Variants in NT5DC3 observed in about 807,000 individuals in gnomAD.
NT5DC3 encodes the protein 5'-nucleotidase domain containing 3, also known as 5'-nucleotidase domain-containing protein 3.
Under a neutral mutation model 67.8 loss-of-function variants are expected in NT5DC3, and 42 were observed. The ratio of observed to expected loss-of-function variants is 0.62; its 90% confidence interval spans 0.48 to 0.80. NT5DC3 has a LOEUF of 0.80. NT5DC3 is among the 30% of genes least tolerant of loss of function. The pLI is 0.00. For synonymous variants in NT5DC3, 237 were observed against 255.6 expected, an observed-to-expected ratio of 0.93 and a Z score of 0.69; for missense variants, 570 against 696.4, an observed-to-expected ratio of 0.82 and a Z score of 2.04.
the NT5DC3 span, among the ~76,000 whole-genome samples, chr12:103,762,642 G>A: frequency 6.6e-6 from 1 of 152,200 alleles, no homozygotes; most frequent in South Asian, 2.1e-4. Flanking sequence ...GCTTGGCAAG[G>A]AGAGAACCCA....
the NT5DC3 span, chr12:103,763,379 T>C: frequency 6.3e-6 from 5 of 793,018 alleles, no homozygotes; most frequent in Non-Finnish European, 8.4e-6. Flanking sequence ...AAAGTACTGT[T>C]AAAAAAGGAA....
chr12:103,759,396 G>A, the NT5DC3 span: 1 of 1,390,946 alleles, frequency 7.2e-7, no homozygotes, highest in South Asian at 1.5e-5. Flanking sequence ...CTGCAGATAG[G>A]GGACGGTGTT....
intron 12 of NT5DC3, among the ~76,000 whole-genome samples, chr12:103,781,226 G>A (rs1885537243): frequency 6.6e-6 from 1 of 152,224 alleles, no homozygotes; most frequent in Non-Finnish European, 1.5e-5. Context: ...ATGACCACAG[G>A]GGTAACCTTA....
intron 12 of NT5DC3, 65 bp from the exon 13 acceptor site, chr12:103,780,429 AT>A: frequency 6.9e-7 from 1 of 1,457,320 alleles, no homozygotes; most frequent in Non-Finnish European, 9.6e-7. Flanking sequence ...CGTAATGAGA[AT>A]TTTTTAATGA....
At chr12:103,839,273 G>A (rs913997808) in intron 1 of NT5DC3, among the ~76,000 whole-genome samples, 2 of 152,136 alleles carry the variant, frequency 1.3e-5, no homozygotes, top group African/African-American at 4.8e-5. Flanking sequence ...TTTACACAGG[G>A]TCTGGCTCTG....
At chr12:103,753,935 T>A in the NT5DC3 span, among the ~76,000 whole-genome samples, 1 of 152,188 alleles carries the variant, frequency 6.6e-6, no homozygotes, top group Non-Finnish European at 1.5e-5. Flanking sequence ...CTTTCAGATA[T>A]GGCAGGAAGG....
At chr12:103,786,646 G>C (rs1279874825) in intron 11 of NT5DC3, among the ~76,000 whole-genome samples, 1 of 151,314 alleles carries the variant, frequency 6.6e-6, no homozygotes, top group East Asian at 1.9e-4. Context: ...AAGAGTCTAA[G>C]AGGGCTTAGG....
chr12:103,748,373 A>G, the NT5DC3 span, among the ~76,000 whole-genome samples: 1 of 152,012 alleles, frequency 6.6e-6, no homozygotes, highest in Non-Finnish European at 1.5e-5. Context: ...TATTTGGGGG[A>G]TCATAAAAAC....
chr12:103,806,788 AG>A, intron 3 of NT5DC3, 66 bp downstream of exon 3: 1 of 1,028,416 alleles, frequency 9.7e-7, no homozygotes. Flanking sequence ...AGTAAAGAAA[AG>A]TACCAACAGT....
the NT5DC3 span, chr12:103,762,431 T>A: frequency 2.3e-5 from 37 of 1,614,120 alleles, no homozygotes; most frequent in African/African-American, 3.6e-4. Flanking sequence ...AACATGATGA[T>A]GGGGTCCTCT....
Position 103,829,281 on chromosome 12 carries a change from CA to C in NT5DC3, c.208+11667del, listed in dbSNP as rs1887828777. On this transcript the variant is annotated intron_variant, in intron 1 of 13. Coordinates refer to ENST00000392876, the MANE Select transcript of NT5DC3 (RefSeq NM_001031701.3). Reference sequence around the variant, plus strand: ...ACTGCTCAGCTCTGACATCCTAGCACAAAAGGAGAACCAGAAACAAATGGGT... The same window carrying C: ...ACTGCTCAGCTCTGACATCCTAGCACAAAGGAGAACCAGAAACAAATGGGT... Among the ~76,000 whole-genome samples, 3 of 152,106 alleles carry C rather than the reference CA, an allele frequency of 2.0e-5. No homozygotes were observed. The South Asian group carries it at 6.2e-4, about 32-fold the overall frequency.
intron 9 of NT5DC3, among the ~76,000 whole-genome samples, chr12:103,789,969 A>C (rs985945846): frequency 1.3e-5 from 2 of 152,390 alleles, no homozygotes; most frequent in Middle Eastern, 3.4e-3. Context: ...TCATGACTAT[A>C]AAATGAGGAT....
intron 9 of NT5DC3, among the ~76,000 whole-genome samples, chr12:103,791,352 T>C (rs983395609): frequency 6.6e-6 from 1 of 151,966 alleles, no homozygotes; most frequent in Non-Finnish European, 1.5e-5. Context: ...GGTGAGGGCA[T>C]CATATCAGCT....
chr12:103,790,344 T>G (rs1402942747), intron 9 of NT5DC3, among the ~76,000 whole-genome samples: 1 of 149,594 alleles, frequency 6.7e-6, no homozygotes, highest in Non-Finnish European at 1.5e-5. Flanking sequence ...GGTGCAACCT[T>G]GGCTCACTGC....
intron 1 of NT5DC3, among the ~76,000 whole-genome samples, chr12:103,833,660 T>C (rs985998263): frequency 2.0e-5 from 3 of 150,150 alleles, no homozygotes; most frequent in East Asian, 2.0e-4. Context: ...ATACAGCCTA[T>C]AACCCCAGCC....
downstream of NT5DC3, among the ~76,000 whole-genome samples, chr12:103,770,075 G>A (rs1033942180): frequency 6.6e-6 from 1 of 152,192 alleles, no homozygotes; most frequent in Admixed American, 6.5e-5. Context: ...GCTCCTTGGC[G>A]ACATGAAAAG....
intron 1 of NT5DC3, among the ~76,000 whole-genome samples, chr12:103,836,777 G>A (rs549512927): frequency 2.6e-4 from 39 of 152,230 alleles, no homozygotes; most frequent in Admixed American, 2.2e-3. Context: ...CTCTTGGGCC[G>A]CTTCGCTCCT....
rs11428514 is a variant in NT5DC3, at chr12:103,775,010, C to CA, written c.*2818dup. ...TGGGCAACAGAGCGAGACCTTGCCT[C>CA]AAAAAAAAAAAAAAAAAGTCATGAC... On this transcript the variant is annotated 3_prime_UTR_variant, in exon 14 of 14. Transcript: ENST00000392876. 0.38 allele frequency: 44,481 copies of CA among 115,758 alleles called. 7,817 individuals are homozygous for CA. The highest frequency in any genetic ancestry group is 0.84 in the East Asian group (3,901 of 4,630). 7.2% of individuals were successfully genotyped at this position (115,758 alleles called of 1,614,324 possible).
chr12:103,767,757 TG>T (rs1217253190), downstream of NT5DC3, among the ~76,000 whole-genome samples: 1 of 151,704 alleles, frequency 6.6e-6, no homozygotes, highest in Non-Finnish European at 1.5e-5. Flanking sequence ...AACCTTGGCC[TG>T]GGTATTAGCC....
Sources: allele counts gnomAD v4.1 joint callset (sites outside exome capture counted in the v4.1 genomes callset), GRCh38; gene constraint gnomAD v4.1.1; transcripts MANE v1.5; gene names NCBI Gene and HGNC (gene_info 2026-07-23, HGNC 2026-07-21).